PRORP: variants seen among roughly 807,000 people sequenced by gnomAD.
PRORP encodes the protein mitochondrial ribonuclease P catalytic subunit.
In PRORP, 51 loss-of-function variants were observed where a neutral mutation model predicts 59.4. That is an observed-to-expected ratio of 0.86 (90% CI 0.69 to 1.08). The LOEUF (loss-of-function observed/expected upper bound fraction) is 1.08. Ranked by LOEUF, PRORP falls within the 50% of genes least tolerant of loss-of-function variation. PRORP has a pLI of 0.00. For missense variants in PRORP, 646 were observed against 690.3 expected (o/e 0.94, Z 0.72); for synonymous variants, 231 against 245.6 (o/e 0.94, Z 0.55).
chr14:35,223,874 C>G (rs2049862681), intron 5 of PRORP, among the ~76,000 whole-genome samples: 1 of 152,300 alleles, frequency 6.6e-6, no homozygotes, highest in Non-Finnish European at 1.5e-5. Flanking sequence ...TTGGAAGACT[C>G]TACTACTAAA....
At chr14:35,216,898 A>T (rs1029185450) in intron 5 of PRORP, among the ~76,000 whole-genome samples, 1 of 152,176 alleles carries the variant, frequency 6.6e-6, no homozygotes, top group African/African-American at 2.4e-5. Context: ...CTGATGGCTA[A>T]TGATGTTGAG....
At chr14:35,127,894 G>T (rs116106616) in intron 4 of PRORP, among the ~76,000 whole-genome samples, 2,187 of 152,228 alleles carry the variant, frequency 0.014, 64 homozygotes, top group African/African-American at 0.051. Flanking sequence ...TTAGAATTTC[G>T]TAGAATAATT....
intron 4 of PRORP, among the ~76,000 whole-genome samples, chr14:35,160,258 T>C (rs184239230): frequency 5.9e-5 from 9 of 152,226 alleles, no homozygotes; most frequent in Non-Finnish European, 1.0e-4. Context: ...CTATTTACTG[T>C]TGGACTCTTT....
intron 5 of PRORP, among the ~76,000 whole-genome samples, chr14:35,202,916 GA>G (rs1376576408): frequency 1.3e-5 from 2 of 152,196 alleles, no homozygotes; most frequent in African/African-American, 4.8e-5. Flanking sequence ...TTACAGGTGT[GA>G]GCCAGGGCAC....
At chr14:35,227,172 G>A (rs1432960445) in intron 5 of PRORP, among the ~76,000 whole-genome samples, 2 of 151,710 alleles carry the variant, frequency 1.3e-5, no homozygotes, top group African/African-American at 4.8e-5. Flanking sequence ...AGCCAGGCGC[G>A]GTGGCTCATG....
chr14:35,194,618 C>T (rs954769578), intron 5 of PRORP, among the ~76,000 whole-genome samples: 2 of 152,086 alleles, frequency 1.3e-5, no homozygotes, highest in African/African-American at 4.8e-5. Context: ...ACCACCATGG[C>T]ACATGTATAC....
chr14:35,173,258 A>G (rs959705306), intron 4 of PRORP, among the ~76,000 whole-genome samples: 1 of 152,188 alleles, frequency 6.6e-6, no homozygotes, highest in African/African-American at 2.4e-5. Flanking sequence ...ATTGTGTATC[A>G]GACATTGTGA....
chr14:35,236,914 CTTCT>C (rs1001795316), intron 5 of PRORP, among the ~76,000 whole-genome samples: 3 of 149,784 alleles, frequency 2.0e-5, no homozygotes, highest in Non-Finnish European at 4.4e-5. Flanking sequence ...TCTCTCTCAT[CTTCT>C]TTCTTTCTCT....
chr14:35,178,775 A>C (rs60191340), intron 4 of PRORP, among the ~76,000 whole-genome samples: 9,308 of 152,128 alleles, frequency 0.061, 476 homozygotes, highest in African/African-American at 0.14. Flanking sequence ...GAATTTGATC[A>C]TGTCATTGTG....
Position 35,238,969 on chromosome 14 carries a change from C to T in PRORP, c.1276-27758C>T, listed in dbSNP as rs2050289827. 2.0e-5 allele frequency among the ~76,000 whole-genome samples: 3 copies of T among 152,172 alleles called. No individual in the cohort carries two copies. In the South Asian group the frequency reaches 6.2e-4, roughly 32 times the overall value. On this transcript the variant is annotated intron_variant, in intron 5 of 7. Coordinates refer to ENST00000534898, the MANE Select transcript of PRORP (RefSeq NM_014672.4). ...ATTAAGTGATTTGATCCTCACACAT[C>T]CCTATGGACTAAGTGTTGTATTTTT...
chr14:35,247,127 G>A (rs2050506487), intron 5 of PRORP, among the ~76,000 whole-genome samples: 1 of 152,120 alleles, frequency 6.6e-6, no homozygotes, highest in Non-Finnish European at 1.5e-5. Context: ...CTGAACCCAG[G>A]CAGCCTGATG....
chr14:35,196,517 A>C (rs900620286), intron 5 of PRORP, among the ~76,000 whole-genome samples: 11 of 152,198 alleles, frequency 7.2e-5, no homozygotes, highest in Non-Finnish European at 1.2e-4. Flanking sequence ...TATTTTCATC[A>C]CATGGGGAAA....
At chr14:35,267,017 ACTTAC>A in intron 6 of PRORP, 142 bp downstream of exon 6, 2 of 794,232 alleles carry the variant, frequency 2.5e-6, no homozygotes, top group Non-Finnish European at 3.7e-6. Flanking sequence ...ATTTGAGACA[ACTTAC>A]AAAACTACGG....
chr14:35,204,436 T>C (rs971275010), intron 5 of PRORP, among the ~76,000 whole-genome samples: 5 of 152,216 alleles, frequency 3.3e-5, no homozygotes, highest in Non-Finnish European at 5.9e-5. Context: ...CATTTTAAGA[T>C]ATTGCTATGC....
intron 5 of PRORP, among the ~76,000 whole-genome samples, chr14:35,201,679 A>G (rs890204480): frequency 2.6e-5 from 4 of 151,786 alleles, no homozygotes; most frequent in Non-Finnish European, 5.9e-5. Flanking sequence ...TCTCACTCTT[A>G]TCACCCAGGC....
intron 5 of PRORP, among the ~76,000 whole-genome samples, chr14:35,184,464 G>A (rs2048694378): frequency 6.6e-6 from 1 of 152,070 alleles, no homozygotes; most frequent in African/African-American, 2.4e-5. Context: ...AGTTGAATTA[G>A]TTATATTCGT....
At chr14:35,200,809 A>G (rs778068810) in intron 5 of PRORP, among the ~76,000 whole-genome samples, 1 of 152,162 alleles carries the variant, frequency 6.6e-6, no homozygotes, top group African/African-American at 2.4e-5. Context: ...AGATATTAGT[A>G]TGGTACATTT....
At chr14:35,204,712 C>CT (rs1271875642) in intron 5 of PRORP, among the ~76,000 whole-genome samples, 1 of 152,098 alleles carries the variant, frequency 6.6e-6, no homozygotes, top group Admixed American at 6.5e-5. Context: ...ACCGGTAACT[C>CT]TATGTACAAG....
At chr14:35,255,791 TC>T (rs1332571223) in intron 5 of PRORP, among the ~76,000 whole-genome samples, 8 of 152,112 alleles carry the variant, frequency 5.3e-5, no homozygotes, top group African/African-American at 1.9e-4. Context: ...CTATGAACAA[TC>T]ATATGCCTTA....
Sources: gnomAD v4.1 joint callset for allele counts (sites outside exome capture counted in the v4.1 genomes callset) on GRCh38, gnomAD v4.1.1 for gene constraint, MANE v1.5 for transcripts, NCBI Gene and HGNC (gene_info 2026-07-23, HGNC 2026-07-21) for gene names.